Variants in PDE12 observed in about 807,000 individuals in gnomAD.
PDE12 encodes phosphodiesterase 12, also known as 2',5'-phosphodiesterase 12.
Under a neutral mutation model 45.4 loss-of-function variants are expected in PDE12, and 26 were observed. The ratio of observed to expected loss-of-function variants is 0.57; its 90% CI spans 0.42 to 0.79. The LOEUF is 0.79. PDE12 is among the 30% of genes least tolerant of loss of function. The pLI is 0.00. For synonymous variants in PDE12, 283 were observed against 323.9 expected (o/e 0.87, Z 1.36); for missense variants, 668 against 790.0 (o/e 0.85, Z 1.85).
At position 57,559,710 on chromosome 3, in the gene PDE12, C is replaced by T; in HGVS notation, c.1536C>T (p.Gly512=). 6.2e-7 allele frequency: 1 copy of T among 1,614,178 alleles called. No homozygotes were observed. The highest frequency in any genetic ancestry group is 8.5e-7 in the Non-Finnish European group (1 of 1,180,020). Residue 512 remains glycine, a synonymous_variant, in exon 3 of 3, where the codon GGC becomes GGT. Coordinates refer to ENST00000311180, the MANE Select transcript of PDE12 (RefSeq NM_177966.7). ...STGMYHFVIN[G]SIPEDHEDWA... is the part of the protein sequence containing the mutation. The stretch of plus-strand genomic sequence containing the variant: ...GAATGTATCATTTTGTCATCAATGG[C>T]AGCATTCCAGAGGATCATGAAGACT...
the PDE12 span, among the ~76,000 whole-genome samples, chr3:57,655,616 C>T: frequency 6.6e-6 from 1 of 152,106 alleles, no homozygotes; most frequent in South Asian, 2.1e-4. Flanking sequence ...TGCACAAAAT[C>T]ATTAAAAATA....
the PDE12 span, chr3:57,633,308 C>T: frequency 3.7e-6 from 6 of 1,613,708 alleles, no homozygotes; most frequent in South Asian, 1.1e-5. Flanking sequence ...AAAATAGCGT[C>T]GAAGAATAAC....
the PDE12 span, chr3:57,596,949 G>A: frequency 1.5e-5 from 15 of 1,018,724 alleles, no homozygotes; most frequent in Admixed American, 2.6e-4. Context: ...AATTCCTTCC[G>A]ACCCCCGACC....
the PDE12 span, chr3:57,633,442 T>A: frequency 9.6e-7 from 1 of 1,046,948 alleles, no homozygotes; most frequent in Non-Finnish European, 1.4e-6. Flanking sequence ...TATGTAAATA[T>A]ACATTTATAC....
At chr3:57,616,783 G>T in the PDE12 span, among the ~76,000 whole-genome samples, 1 of 152,012 alleles carries the variant, frequency 6.6e-6, no homozygotes, top group Non-Finnish European at 1.5e-5. Flanking sequence ...TAGCACTTTC[G>T]GAGGCCAAGG....
At chr3:57,634,535 T>C in the PDE12 span, 1 of 1,276,588 alleles carries the variant, frequency 7.8e-7, no homozygotes, top group Non-Finnish European at 1.1e-6. Context: ...AAATTTAAAT[T>C]AATAATATGA....
the PDE12 span, among the ~76,000 whole-genome samples, chr3:57,589,448 C>T: frequency 1.3e-5 from 2 of 151,678 alleles, no homozygotes; most frequent in African/African-American, 2.4e-5. Context: ...GGCCGGGCCC[C>T]GTGGCTCACA....
At chr3:57,645,888 A>C in the PDE12 span, 1 of 640,032 alleles carries the variant, frequency 1.6e-6, no homozygotes, top group Non-Finnish European at 2.6e-6. Flanking sequence ...TGGTAAACTC[A>C]TTTCACAGAA....
At chr3:57,575,083 C>G in the PDE12 span, among the ~76,000 whole-genome samples, 1 of 151,558 alleles carries the variant, frequency 6.6e-6, no homozygotes. Context: ...CTCCCGACCT[C>G]AGATGATCTG....
chr3:57,613,899 T>C, the PDE12 span, among the ~76,000 whole-genome samples: 1 of 31,398 alleles, frequency 3.2e-5, no homozygotes, highest in South Asian at 1.3e-3. Flanking sequence ...AGACTCCATC[T>C]CAAAAAAAAA....
At chr3:57,574,655 C>T in the PDE12 span, among the ~76,000 whole-genome samples, 1 of 152,070 alleles carries the variant, frequency 6.6e-6, no homozygotes, top group Non-Finnish European at 1.5e-5. Context: ...AATCCTCCTG[C>T]CTTGGGTTCC....
At chr3:57,593,540 T>G in the PDE12 span, among the ~76,000 whole-genome samples, 1 of 152,188 alleles carries the variant, frequency 6.6e-6, no homozygotes, top group Non-Finnish European at 1.5e-5. Context: ...CATACTACAC[T>G]ACACTGATAT....
Position 57,556,566 on chromosome 3 carries a change from A to G in PDE12, c.187A>G (p.Met63Val), listed in dbSNP as rs781626583. Reference sequence around the variant, plus strand: ...TTTGGCTGATGGTAGCCACAAGAACATGCAGCGCGACCAGAGCGAGCCGCT... The same window carrying G: ...TTTGGCTGATGGTAGCCACAAGAACGTGCAGCGCGACCAGAGCGAGCCGCT... ...FALADGSHKN[M>V]QRDQSEPLGR... Residue 63 changes from methionine to valine, a missense_variant, in exon 1 of 3, where the codon ATG becomes GTG. Physicochemically the swap from Met to Val is conservative, Grantham distance 21. Around this residue, in one of 3 missense-constraint regions of PDE12, gnomAD observed 580 missense variants for 662.9 expected, o/e 0.87. Coordinates refer to ENST00000311180, the MANE Select transcript of PDE12 (RefSeq NM_177966.7). This position sits in a 1 kb window ranked among gnomAD's most constrained non-coding sequence, Gnocchi z 5.0. 1.6e-5 allele frequency: 26 copies of G among 1,613,370 alleles called. No individual in the cohort carries two copies. Among genetic ancestry groups the G allele is most frequent in the East Asian group, 2.2e-5 (1 of 44,894 alleles).
At chr3:57,612,941 T>A in the PDE12 span, among the ~76,000 whole-genome samples, 9 of 152,130 alleles carry the variant, frequency 5.9e-5, no homozygotes, top group Middle Eastern at 3.4e-3. Flanking sequence ...AGGCAAACAT[T>A]GAGTAAAAAA....
chr3:57,618,607 G>GTGTTTT, the PDE12 span, among the ~76,000 whole-genome samples: 3 of 79,390 alleles, frequency 3.8e-5, no homozygotes, highest in Non-Finnish European at 7.0e-5. Flanking sequence ...TTGCTTTTGT[G>GTGTTTT]TTTTTTTTTT....
the PDE12 span, among the ~76,000 whole-genome samples, chr3:57,582,989 ACTTGAGGGC>A: frequency 3.3e-5 from 5 of 152,202 alleles, no homozygotes; most frequent in Admixed American, 3.3e-4. Context: ...TTTGGCTGCT[ACTTGAGGGC>A]AGCTGCTATT....
the PDE12 span, among the ~76,000 whole-genome samples, chr3:57,652,474 T>A: frequency 6.6e-6 from 1 of 152,198 alleles, no homozygotes; most frequent in Admixed American, 6.5e-5. Context: ...CATAAAAAAC[T>A]CTGAGCCAGA....
At chr3:57,617,741 C>T in the PDE12 span, among the ~76,000 whole-genome samples, 1 of 152,002 alleles carries the variant, frequency 6.6e-6, no homozygotes, top group Admixed American at 6.6e-5. Context: ...GTGGCACACA[C>T]CTGTGGTCCC....
At chr3:57,590,676 A>C in the PDE12 span, among the ~76,000 whole-genome samples, 1 of 152,066 alleles carries the variant, frequency 6.6e-6, no homozygotes, top group Non-Finnish European at 1.5e-5. Context: ...GTGTGTGTAC[A>C]TATATATACA....
Sources: gnomAD v4.1 joint callset for allele counts (sites outside exome capture counted in the v4.1 genomes callset) on GRCh38, gnomAD v4.1.1 for gene constraint, gnomAD v4.1.1 regional missense constraint, Gnocchi (gnomAD v3.1) non-coding constraint, MANE v1.5 for transcripts, NCBI Gene and HGNC (gene_info 2026-07-23, HGNC 2026-07-21) for gene names.